GFPT1: variants seen among roughly 807,000 people sequenced by gnomAD.
GFPT1 encodes the protein glutamine--fructose-6-phosphate aminotransferase [isomerizing] 1.
Under a neutral mutation model 92.0 loss-of-function variants are expected in GFPT1, and 40 were observed. The observed-to-expected ratio is 0.43, with a 90% confidence interval of 0.34 to 0.57. The LOEUF is 0.57. GFPT1 is among the 20% of genes least tolerant of loss of function. GFPT1 has a pLI of 0.02. For missense variants in GFPT1, 448 were observed against 869.1 expected (o/e 0.52, Z 6.09); for synonymous variants, 269 against 280.6 (o/e 0.96, Z 0.41).
intron 7 of GFPT1, 114 bp downstream of exon 7, chr2:69,356,382 A>C: frequency 2.5e-6 from 2 of 798,632 alleles, no homozygotes; most frequent in Non-Finnish European, 4.5e-6. Context: ...TCACATGAAT[A>C]TATCTAATAA....
intron 3 of GFPT1, among the ~76,000 whole-genome samples, chr2:69,368,037 T>C (rs1006710481): frequency 1.2e-4 from 18 of 152,132 alleles, no homozygotes; most frequent in Non-Finnish European, 2.6e-4. Context: ...TCGCCTGAGG[T>C]CAGGAGTTCA....
intron 14 of GFPT1, 96 bp downstream of exon 14, chr2:69,338,349 G>T: frequency 9.8e-7 from 1 of 1,016,130 alleles, no homozygotes; most frequent in African/African-American, 1.6e-5. Context: ...CATCTGCAAT[G>T]CCAGTTTATC....
At chr2:69,337,642 C>A (rs897874306) in intron 15 of GFPT1, among the ~76,000 whole-genome samples, 10 of 152,122 alleles carry the variant, frequency 6.6e-5, no homozygotes, top group Non-Finnish European at 1.3e-4. Context: ...AATGGACTTA[C>A]ATTATATACA....
intron 15 of GFPT1, among the ~76,000 whole-genome samples, chr2:69,335,173 AT>A (rs1670764984): frequency 6.6e-6 from 1 of 151,794 alleles, no homozygotes; most frequent in Admixed American, 6.6e-5. Flanking sequence ...TGCCCCGCTA[AT>A]TTTTGTATTT....
At chr2:69,331,248 C>CT (rs1008829847) in intron 15 of GFPT1, among the ~76,000 whole-genome samples, 4 of 151,942 alleles carry the variant, frequency 2.6e-5, no homozygotes, top group African/African-American at 9.7e-5. Flanking sequence ...TAAAGCTAAG[C>CT]TTTTTTTTCA....
intron 3 of GFPT1, among the ~76,000 whole-genome samples, chr2:69,367,887 C>T (rs894310357): frequency 1.3e-5 from 2 of 152,204 alleles, no homozygotes; most frequent in Non-Finnish European, 2.9e-5. Flanking sequence ...CCAGCAATAT[C>T]TACAAGTTTC....
chr2:69,350,049 A>G (rs1671169348), intron 10 of GFPT1, 29 bp downstream of exon 10: 1 of 1,435,292 alleles, frequency 7.0e-7, no homozygotes, highest in Non-Finnish European at 9.8e-7. Context: ...TTTACTAAAA[A>G]TCTCTTTGAA....
chr2:69,354,793 G>A (rs962589450), intron 7 of GFPT1, among the ~76,000 whole-genome samples: 1 of 152,142 alleles, frequency 6.6e-6, no homozygotes, highest in Non-Finnish European at 1.5e-5. Context: ...TAGGCAGGCA[G>A]ATCACTTGAG....
intron 10 of GFPT1, 130 bp from the exon 11 acceptor site, chr2:69,348,464 C>T: frequency 1.2e-6 from 1 of 804,450 alleles, no homozygotes; most frequent in Admixed American, 1.9e-5. Context: ...AGAGAATTTT[C>T]TGGTTACTAA....
intron 4 of GFPT1, among the ~76,000 whole-genome samples, chr2:69,360,154 CCT>C (rs2104658912): frequency 6.6e-6 from 1 of 151,872 alleles, no homozygotes; most frequent in South Asian, 2.1e-4. Context: ...ATGGCGAAAC[CCT>C]GTCTCTACTA....
intron 15 of GFPT1, among the ~76,000 whole-genome samples, chr2:69,333,494 A>C (rs796318424): frequency 4.6e-5 from 7 of 152,242 alleles, no homozygotes; most frequent in African/African-American, 1.7e-4. Context: ...AAAATAAGCT[A>C]TACCCTACAT....
At chr2:69,367,250 C>G (rs1481939607) in intron 3 of GFPT1, among the ~76,000 whole-genome samples, 2 of 152,154 alleles carry the variant, frequency 1.3e-5, no homozygotes, top group Non-Finnish European at 2.9e-5. Context: ...CTTTACATAC[C>G]AGGAATTATC....
chr2:69,329,661 G>C, intron 16 of GFPT1, 23 bp downstream of exon 16: 1 of 1,470,184 alleles, frequency 6.8e-7, no homozygotes, highest in Non-Finnish European at 9.5e-7. Flanking sequence ...CAACAAAAGT[G>C]TAATATATGA....
chr2:69,327,176 G>T, intron 18 of GFPT1, 101 bp from the exon 19 acceptor site: 1 of 943,498 alleles, frequency 1.1e-6, no homozygotes. Context: ...TCCATATGAA[G>T]CCTCACGGAC....
Position 69,387,056 on chromosome 2 carries a change from C to G in GFPT1, c.7+9G>C. ...CCGGCAACACGCCCCCCGCTCCCGG[C>G]CCCCTTACCACACATGATGCCGGAG... On this transcript the variant is annotated intron_variant, in intron 1 of 19. Transcript: ENST00000357308. 1 of 1,533,750 alleles carries G rather than the reference C, an allele frequency of 6.5e-7. No individual in the cohort carries two copies. Among genetic ancestry groups the G allele is most frequent in the Non-Finnish European group, 8.7e-7 (1 of 1,143,012 alleles).
chr2:69,333,353 T>G (rs1670717981), intron 15 of GFPT1, among the ~76,000 whole-genome samples: 1 of 152,248 alleles, frequency 6.6e-6, no homozygotes, highest in African/African-American at 2.4e-5. Flanking sequence ...ACACTAGTTT[T>G]TAAGTACAAA....
intron 10 of GFPT1, among the ~76,000 whole-genome samples, chr2:69,348,914 C>G (rs1188908411): frequency 6.6e-6 from 1 of 152,154 alleles, no homozygotes; most frequent in Non-Finnish European, 1.5e-5. Flanking sequence ...CATCTCCCCC[C>G]AAGCTTCCTC....
At chr2:69,346,362 C>G (rs531092286) in intron 11 of GFPT1, among the ~76,000 whole-genome samples, 1 of 152,108 alleles carries the variant, frequency 6.6e-6, no homozygotes, top group Non-Finnish European at 1.5e-5. Context: ...CCTCAGCCTC[C>G]TGAGTAGCTG....
chr2:69,346,236 G>A (rs192762665), intron 11 of GFPT1, among the ~76,000 whole-genome samples: 54 of 152,100 alleles, frequency 3.6e-4, no homozygotes, highest in African/African-American at 1.2e-3. Context: ...ACAAGTGAAT[G>A]AGACAAGCTT....
Sources: gnomAD v4.1 joint callset for allele counts (sites outside exome capture counted in the v4.1 genomes callset) on GRCh38, gnomAD v4.1.1 for gene constraint, MANE v1.5 for transcripts, NCBI Gene and HGNC (gene_info 2026-07-23, HGNC 2026-07-21) for gene names.